Variants in ACOXL observed in about 807,000 individuals in gnomAD.
ACOXL encodes acyl-coenzyme A oxidase-like protein.
ACOXL carries 70 observed loss-of-function variants against 71.9 expected under a neutral mutation model. That is an observed-to-expected ratio of 0.97 (90% CI 0.80 to 1.19). ACOXL has a LOEUF of 1.19. ACOXL is among the 50% of genes most tolerant of loss of function. The probability of loss-of-function intolerance (pLI) is 0.00; values close to 1 mark genes in which losing one functional copy is unlikely to be tolerated. For missense variants in ACOXL, 703 were observed against 736.3 expected, an observed-to-expected ratio of 0.95 and a Z score of 0.52; for synonymous variants, 253 against 281.6, an observed-to-expected ratio of 0.90 and a Z score of 1.02.
chr2:110,733,797 C>G (rs1485946349), intron 1 of ACOXL, among the ~76,000 whole-genome samples: 2 of 152,168 alleles, frequency 1.3e-5, no homozygotes, highest in South Asian at 2.1e-4. Context: ...ACTTCTCTTT[C>G]CCTCTCTCTC....
intron 9 of ACOXL, among the ~76,000 whole-genome samples, chr2:110,816,214 T>G (rs1013730873): frequency 2.6e-5 from 4 of 150,966 alleles, no homozygotes; most frequent in South Asian, 4.2e-4. Flanking sequence ...GATGGATAAA[T>G]GATGGATGGA....
chr2:110,927,272 C>G (rs1009931437), intron 11 of ACOXL, among the ~76,000 whole-genome samples: 12 of 152,144 alleles, frequency 7.9e-5, no homozygotes, highest in African/African-American at 2.9e-4. Flanking sequence ...GGCCCCTCCC[C>G]CAACACATGG....
At position 110,793,854 on chromosome 2, in the gene ACOXL, C is replaced by T. The variant is rs902288786; in HGVS notation, c.246+118C>T. On this transcript the variant is annotated intron_variant, in intron 4 of 17. Coordinates refer to ENST00000439055, the MANE Select transcript of ACOXL (RefSeq NM_001142807.4). ...TAAAATAAAACAGAATTTGTATCAGCAAAAATCTTGTTGAAAATGAGAATT... is the reference window on the plus strand; with the variant it reads ...TAAAATAAAACAGAATTTGTATCAGTAAAAATCTTGTTGAAAATGAGAATT... 17 of 990,736 alleles carry T rather than the reference C, an allele frequency of 1.7e-5. No individual in the cohort carries two copies. The African/African-American group carries it at 2.6e-4, about 15-fold the overall frequency. 61.4% of individuals were successfully genotyped at this position (990,736 alleles called of 1,614,324 possible). A position where few individuals can be genotyped will look rare whatever the true frequency, so the allele number is the denominator to read the frequency against.
rs757133335 is a variant in ACOXL at position 110,967,839 on chromosome 2, G to T, written c.1060-19269G>T. The T allele has an allele frequency of 3.3e-6, 4 of 1,205,516 alleles. No homozygotes were observed. In the East Asian group the frequency reaches 7.0e-5, roughly 21 times the overall value. 74.7% of individuals were successfully genotyped at this position (1,205,516 alleles called of 1,614,324 possible). ...GTGGGTCTCTGTTTTGCAGGATGGG[G>T]TTTGTTAAAGTTGTTAAGAATAAGG... On this transcript the variant is annotated intron_variant, in intron 12 of 17. Transcript: ENST00000439055.
At chr2:110,744,683 T>C (rs1246479587) in intron 1 of ACOXL, among the ~76,000 whole-genome samples, 1 of 152,212 alleles carries the variant, frequency 6.6e-6, no homozygotes, top group African/African-American at 2.4e-5. Context: ...AGCCACCGTC[T>C]GGCCACAGGA....
chr2:110,918,221 G>T (rs1310266360), intron 11 of ACOXL, among the ~76,000 whole-genome samples: 6 of 152,158 alleles, frequency 3.9e-5, no homozygotes, highest in Admixed American at 3.9e-4. Flanking sequence ...ATATAGACCA[G>T]TGGAACAGAA....
chr2:110,776,076 T>A (rs1356015084), intron 2 of ACOXL, among the ~76,000 whole-genome samples: 1 of 152,230 alleles, frequency 6.6e-6, no homozygotes, highest in Non-Finnish European at 1.5e-5. Flanking sequence ...TACAATGGGA[T>A]GTTATTCAGC....
intron 2 of ACOXL, among the ~76,000 whole-genome samples, chr2:110,779,763 G>C (rs1402562225): frequency 6.6e-6 from 1 of 152,178 alleles, no homozygotes; most frequent in Non-Finnish European, 1.5e-5. Flanking sequence ...CATATGGGAA[G>C]AAAGTTAACT....
chr2:110,861,658 C>T (rs1693971176), intron 10 of ACOXL, among the ~76,000 whole-genome samples: 1 of 152,270 alleles, frequency 6.6e-6, no homozygotes, highest in South Asian at 2.1e-4. Context: ...TCTGCTCCTA[C>T]AAAGATGGAA....
At chr2:110,816,447 C>T (rs1297320127) in intron 9 of ACOXL, among the ~76,000 whole-genome samples, 1 of 152,174 alleles carries the variant, frequency 6.6e-6, no homozygotes, top group African/African-American at 2.4e-5. Flanking sequence ...GAAAAACAAG[C>T]ACTTTCTGTT....
At chr2:111,052,972 C>G (rs558711778) in intron 16 of ACOXL, among the ~76,000 whole-genome samples, 2 of 152,312 alleles carry the variant, frequency 1.3e-5, no homozygotes, top group East Asian at 3.9e-4. Flanking sequence ...CCATCTCCCT[C>G]TGTCCCAGCA....
chr2:110,849,585 T>G (rs1692347899), intron 10 of ACOXL, among the ~76,000 whole-genome samples: 1 of 152,102 alleles, frequency 6.6e-6, no homozygotes, highest in Non-Finnish European at 1.5e-5. Flanking sequence ...TGGTGAAACC[T>G]TGTCTCTACT....
intron 17 of ACOXL, chr2:111,100,712 G>C (rs1333701428): frequency 6.5e-6 from 1 of 152,918 alleles, no homozygotes; most frequent in Non-Finnish European, 1.5e-5. Context: ...ACCAGCACAA[G>C]CACAAATCCT....
rs3747659 is a variant in ACOXL at position 110,987,230 on chromosome 2, C to T, written c.1169+13C>T. 0.039 allele frequency: 61,235 copies of T among 1,559,066 alleles called. 1,616 individuals are homozygous for T. The highest frequency in any genetic ancestry group is 0.091 in the East Asian group (3,848 of 42,220). On this transcript the variant is annotated intron_variant, in intron 13 of 17. Transcript: ENST00000439055. ...AGCTGAGAACCAGGTACGTATTACTCAGGCCATCATCATCTGCCTTCAGTG... is the reference window on the plus strand; with the variant it reads ...AGCTGAGAACCAGGTACGTATTACTTAGGCCATCATCATCTGCCTTCAGTG...
At chr2:111,069,383 C>T (rs990377739) in intron 16 of ACOXL, among the ~76,000 whole-genome samples, 4 of 152,084 alleles carry the variant, frequency 2.6e-5, no homozygotes, top group Non-Finnish European at 1.5e-5. Flanking sequence ...AACTCCTGAC[C>T]TCAGGTGATC....
At chr2:110,994,560 TG>T (rs2063309744) in intron 13 of ACOXL, among the ~76,000 whole-genome samples, 3 of 152,090 alleles carry the variant, frequency 2.0e-5, no homozygotes. Context: ...AAACCCTAAG[TG>T]TGAATTAACC....
At chr2:111,058,729 C>A (rs1466111315) in intron 16 of ACOXL, among the ~76,000 whole-genome samples, 1 of 152,150 alleles carries the variant, frequency 6.6e-6, no homozygotes, top group Non-Finnish European at 1.5e-5. Context: ...GATCTGCTCC[C>A]TTCCTCTCCC....
chr2:110,911,208 C>T (rs1574086371), intron 11 of ACOXL, among the ~76,000 whole-genome samples: 2 of 152,148 alleles, frequency 1.3e-5, no homozygotes, highest in African/African-American at 4.8e-5. Flanking sequence ...ATAAACCAAT[C>T]ACAGGATATT....
chr2:110,850,859 G>T (rs1045062253), intron 10 of ACOXL, among the ~76,000 whole-genome samples: 19 of 152,180 alleles, frequency 1.2e-4, no homozygotes, highest in African/African-American at 4.6e-4. Context: ...ACACCAAGAC[G>T]TGTATGCATG....
Sources: allele counts gnomAD v4.1 joint callset (sites outside exome capture counted in the v4.1 genomes callset), GRCh38; gene constraint gnomAD v4.1.1; transcripts MANE v1.5; gene names NCBI Gene and HGNC (gene_info 2026-07-23, HGNC 2026-07-21).